LYPLA2: variants seen among roughly 807,000 people sequenced by gnomAD.
LYPLA2 encodes lysophospholipase 2.
In LYPLA2, 7 loss-of-function variants were observed where a neutral mutation model predicts 30.3. The ratio of observed to expected loss-of-function variants is 0.23; its 90% confidence interval spans 0.13 to 0.43. The LOEUF is 0.43. LYPLA2 is among the 20% of genes least tolerant of loss of function. The pLI is 1.00. For missense variants in LYPLA2, 206 were observed against 307.9 expected, an observed-to-expected ratio of 0.67 and a Z score of 2.48; for synonymous variants, 112 against 118.2, an observed-to-expected ratio of 0.95 and a Z score of 0.34.
In LYPLA2 at chr1:23,793,147, A is replaced by G. The variant is rs2148405913; in HGVS notation, c.111-4A>G. 1 of 1,613,942 alleles carries G rather than the reference A, an allele frequency of 6.2e-7. No individual in the cohort carries two copies. The highest frequency in any genetic ancestry group is 2.2e-5 in the East Asian group (1 of 44,874). On this transcript the variant is annotated splice_polypyrimidine_tract_variant and splice_region_variant and intron_variant, in intron 3 of 9. Coordinates refer to ENST00000374514, the MANE Select transcript of LYPLA2 (RefSeq NM_007260.3). The surrounding 1 kb of genome is among the most constrained non-coding windows in gnomAD (Gnocchi z 6.0). ...CGGAGCCTTTTCTCCCGTCCCTCCT[A>G]CAGGCACAGCTGGGCTGACGCCCTC...
In LYPLA2 at chr1:23,793,523, C is replaced by A; in HGVS notation, c.177-182C>A. 1.4e-6 allele frequency: 1 copy of A among 697,834 alleles called. No homozygotes were observed. The highest frequency in any genetic ancestry group is 2.5e-6 in the Non-Finnish European group (1 of 394,910). The allele number at this position is 697,834 out of a possible 1,614,324, so 43.2% of individuals were successfully genotyped here. ...AGCGCTGGGCTCTGCTTCTCCATTA[C>A]TGGCGCTTTGCCCCAACCACAGCCT... On this transcript the variant is annotated intron_variant, in intron 4 of 9. Coordinates refer to ENST00000374514, the MANE Select transcript of LYPLA2 (RefSeq NM_007260.3). The surrounding 1 kb of genome is among the most constrained non-coding windows in gnomAD (Gnocchi z 6.0).
chr1:23,792,917 C>T (rs1413960947), intron 2 of LYPLA2, 91 bp from the exon 3 acceptor site: 5 of 1,475,040 alleles, frequency 3.4e-6, no homozygotes, highest in African/African-American at 1.4e-5. Context: ...ACCTGGGTTC[C>T]CCCAGGTCCT....
chr1:23,792,802 A>T (rs1638824521), intron 2 of LYPLA2, 42 bp downstream of exon 2: 1 of 1,555,890 alleles, frequency 6.4e-7, no homozygotes, highest in African/African-American at 1.4e-5. Context: ...CTGTGGGAGC[A>T]GCTGGAGGAC....
chr1:23,793,738 G>T lies in LYPLA2; in HGVS notation c.210G>T (p.Met70Ile). ...PRIPVTLNMK[M>I]VMPSWFDLMG... ...TCCCTGTGACCCTCAACATGAAGATGGTGATGCCCTCCTGGTGAGTTTGGG... is the reference window on the plus strand; with the variant it reads ...TCCCTGTGACCCTCAACATGAAGATTGTGATGCCCTCCTGGTGAGTTTGGG... The change falls in exon 5 of 10, where the codon ATG becomes ATT. Residue 70 changes from methionine to isoleucine, a missense_variant. Transcript: ENST00000374514. This position sits in a 1 kb window ranked among gnomAD's most constrained non-coding sequence, Gnocchi z 6.0. 6.2e-7 allele frequency: 1 copy of T among 1,614,096 alleles called. No individual in the cohort carries two copies. Among genetic ancestry groups the T allele is most frequent in the Non-Finnish European group, 8.5e-7 (1 of 1,179,980 alleles).
chr1:23,793,039 GGTAA>G lies in LYPLA2; in HGVS notation c.110+3_110+6del. On this transcript the variant is annotated splice_donor_variant and splice_donor_region_variant and intron_variant, in intron 3 of 9. Transcript: ENST00000374514. LOFTEE classifies it high-confidence loss of function. The surrounding 1 kb of genome is among the most constrained non-coding windows in gnomAD (Gnocchi z 6.0). ...TTTTTACATGGACTTGGAGACACAG[GGTAA>G]GTGACTGAGGAGGGGTGCTCCTTAA... The G allele has an allele frequency of 6.2e-7, 1 of 1,613,528 alleles. No individual in the cohort carries two copies. The highest frequency in any genetic ancestry group is 8.5e-7 in the Non-Finnish European group (1 of 1,179,670).
chr1:23,794,332 GT>G lies in LYPLA2; in HGVS notation c.471+8del, dbSNP rs1206749782. 2 of 1,607,300 alleles carry G rather than the reference GT, an allele frequency of 1.2e-6. No individual in the cohort carries two copies. The highest frequency in any genetic ancestry group is 3.3e-5 in the Admixed American group (2 of 59,854). ...GCACCGGGCCTTCCCCCAGGTGAAT[GT>G]CCCCACTGACCCCCCCGCCCTTTGT... On this transcript the variant is annotated splice_region_variant and intron_variant, in intron 8 of 9. Coordinates refer to ENST00000374514, the MANE Select transcript of LYPLA2 (RefSeq NM_007260.3). The surrounding 1 kb of genome is among the most constrained non-coding windows in gnomAD (Gnocchi z 5.9).
chr1:23,795,052 A>G lies in LYPLA2; in HGVS notation c.*320A>G. 1.8e-6 allele frequency: 1 copy of G among 566,550 alleles called. No homozygotes were observed. The highest frequency in any genetic ancestry group is 1.6e-5 in the South Asian group (1 of 61,304). 35.1% of individuals were successfully genotyped at this position (566,550 alleles called of 1,614,324 possible). ...CGCTGACCCACTCACTCAGGACCTC[A>G]CTCACTAGCCCCGCTTTGGGCCCCC... On this transcript the variant is annotated 3_prime_UTR_variant, in exon 10 of 10. Transcript: ENST00000374514.
At position 23,792,650 on chromosome 1, in the gene LYPLA2, T is replaced by C; in HGVS notation, c.-26-7T>C. On this transcript the variant is annotated splice_polypyrimidine_tract_variant and splice_region_variant and intron_variant, in intron 1 of 9. Transcript: ENST00000374514. The stretch of plus-strand genomic sequence containing the variant: ...TTTGCTCTTGACCGCCGCCCCGATG[T>C]ATGCAGGCCCCCGCCGTGGAGCCGT... 2 of 1,601,478 alleles carry C rather than the reference T, an allele frequency of 1.2e-6. No individual in the cohort carries two copies. Among genetic ancestry groups the C allele is most frequent in the Middle Eastern group, 2.3e-4 (1 of 4,424 alleles).
Position 23,795,018 on chromosome 1 carries a change from G to C in LYPLA2, c.*286G>C, listed in dbSNP as rs538425401. On this transcript the variant is annotated 3_prime_UTR_variant, in exon 10 of 10. Coordinates refer to ENST00000374514, the MANE Select transcript of LYPLA2 (RefSeq NM_007260.3). Reference sequence around the variant, plus strand: ...AGGGGCTACAGGCAGCTGGAGAAAGGGGCCCAGCCGCTGACCCACTCACTC... The same window carrying C: ...AGGGGCTACAGGCAGCTGGAGAAAGCGGCCCAGCCGCTGACCCACTCACTC... 1.6e-6 allele frequency: 1 copy of C among 637,002 alleles called. No homozygotes were observed. Among genetic ancestry groups the C allele is most frequent in the Admixed American group, 2.1e-5 (1 of 47,398 alleles). The allele number at this position is 637,002 out of a possible 1,614,324, so 39.5% of individuals were successfully genotyped here.
chr1:23,793,989 G>A lies in LYPLA2; in HGVS notation c.295+59G>A, dbSNP rs1286702043. 2 of 1,594,254 alleles carry A rather than the reference G, an allele frequency of 1.3e-6. No homozygotes were observed. Among genetic ancestry groups the A allele is most frequent in the Non-Finnish European group, 1.7e-6 (2 of 1,161,978 alleles). On this transcript the variant is annotated intron_variant, in intron 6 of 9. Coordinates refer to ENST00000374514, the MANE Select transcript of LYPLA2 (RefSeq NM_007260.3). The surrounding 1 kb of genome is among the most constrained non-coding windows in gnomAD (Gnocchi z 6.0). Reference sequence around the variant, plus strand: ...CCCCTGCCCCCCAGGAAAGCGCTGGGCGGTTCCTCAGCCTAGCTCCCTTAT... The same window carrying A: ...CCCCTGCCCCCCAGGAAAGCGCTGGACGGTTCCTCAGCCTAGCTCCCTTAT...
In LYPLA2 at chr1:23,794,675, C is replaced by CCTG; in HGVS notation, c.646-6_646-5insTGC. 1 of 1,614,202 alleles carries CCTG rather than the reference C, an allele frequency of 6.2e-7. No homozygotes were observed. The highest frequency in any genetic ancestry group is 8.5e-7 in the Non-Finnish European group (1 of 1,180,028). ...TGCCTCTCGTGATCCCCTCTTAATC[C>CCTG]CCTCAGGAGATGGCAGCTGTGAAGG... is the stretch of plus-strand genomic sequence containing the variant. On this transcript the variant is annotated splice_polypyrimidine_tract_variant and splice_region_variant and intron_variant, in intron 9 of 9. Coordinates refer to ENST00000374514, the MANE Select transcript of LYPLA2 (RefSeq NM_007260.3). This position sits in a 1 kb window ranked among gnomAD's most constrained non-coding sequence, Gnocchi z 5.9.
At chr1:23,791,553 A>T (rs558097314) in intron 1 of LYPLA2, among the ~76,000 whole-genome samples, 27 of 151,952 alleles carry the variant, frequency 1.8e-4, no homozygotes, top group Admixed American at 1.1e-3. Flanking sequence ...AGGGTAGAAA[A>T]TTTCACTGGG....
At chr1:23,791,401 T>G in intron 1 of LYPLA2, among the ~76,000 whole-genome samples, 151 bp downstream of exon 1, 1 of 147,774 alleles carries the variant, frequency 6.8e-6, no homozygotes, top group East Asian at 2.0e-4. Flanking sequence ...ACTTCGGGAG[T>G]GGAGCGGGGC....
At position 23,794,737 on chromosome 1, in the gene LYPLA2, T is replaced by C. The variant is rs974026835; in HGVS notation, c.*5T>C. 1.9e-6 allele frequency: 3 copies of C among 1,614,104 alleles called. No individual in the cohort carries two copies. Among genetic ancestry groups the C allele is most frequent in the South Asian group, 1.1e-5 (1 of 91,080 alleles). On this transcript the variant is annotated 3_prime_UTR_variant, in exon 10 of 10. Transcript: ENST00000374514. The surrounding 1 kb of genome is among the most constrained non-coding windows in gnomAD (Gnocchi z 5.9). ...AAGCTGCTGCCTCCTGTCTAACTAG[T>C]CGCTGGCCCCAGTGCAGTACCCCAG...
rs1480935053 is a variant in LYPLA2, at chr1:23,794,073, G to C, written c.306G>C (p.Leu102Phe). Reference protein sequence around the residue: ...IKKAAENIKALIEHEMKNGIP... With the variant: ...IKKAAENIKAFIEHEMKNGIP... ...TGCCCCCTCCCCCAGTCAAGGCCTTGATTGAGCATGAAATGAAGAACGGGA... is the reference window on the plus strand; with the variant it reads ...TGCCCCCTCCCCCAGTCAAGGCCTTCATTGAGCATGAAATGAAGAACGGGA... Residue 102 changes from leucine to phenylalanine, a missense_variant, in exon 7 of 10, where the codon TTG becomes TTC. Leu to Phe is a conservative substitution (Grantham distance 22, BLOSUM62 0). Transcript: ENST00000374514. The surrounding 1 kb of genome is among the most constrained non-coding windows in gnomAD (Gnocchi z 5.9). 6.3e-7 allele frequency: 1 copy of C among 1,590,930 alleles called. No homozygotes were observed. Among genetic ancestry groups the C allele is most frequent in the Admixed American group, 1.7e-5 (1 of 59,014 alleles).
At chr1:23,792,817 T>A in intron 2 of LYPLA2, 57 bp downstream of exon 2, 1 of 1,499,848 alleles carries the variant, frequency 6.7e-7, no homozygotes, top group Admixed American at 1.7e-5. Context: ...GAGGACCGGC[T>A]GGAGGGGGTG....
rs1396009884 is a variant in LYPLA2, at chr1:23,793,614, A to C, written c.177-91A>C. On this transcript the variant is annotated intron_variant, in intron 4 of 9. Coordinates refer to ENST00000374514, the MANE Select transcript of LYPLA2 (RefSeq NM_007260.3). The surrounding 1 kb of genome is among the most constrained non-coding windows in gnomAD (Gnocchi z 6.0). ...CAGGCCCTGCCTGCTGGGAGGGGCC[A>C]CCAGGGGCGGCGCGGCCCCACTCCG... 12 of 1,338,716 alleles carry C rather than the reference A, an allele frequency of 9.0e-6. No individual in the cohort carries two copies. Among genetic ancestry groups the C allele is most frequent in the Non-Finnish European group, 1.3e-5 (12 of 930,128 alleles). The allele number at this position is 1,338,716 out of a possible 1,614,324, so 82.9% of individuals were successfully genotyped here.
intron 1 of LYPLA2, 181 bp from the exon 2 acceptor site, chr1:23,792,476 C>T (rs2148405393): frequency 5.2e-6 from 3 of 574,440 alleles, no homozygotes; most frequent in Non-Finnish European, 9.3e-6. Flanking sequence ...CTGTCTCTGC[C>T]TTTCAGCCCT....
Position 23,794,983 on chromosome 1 carries a change from G to C in LYPLA2, c.*251G>C. 1.5e-6 allele frequency: 1 copy of C among 680,338 alleles called. No individual in the cohort carries two copies. Among genetic ancestry groups the C allele is most frequent in the Non-Finnish European group, 2.7e-6 (1 of 372,118 alleles). 42.1% of individuals were successfully genotyped at this position (680,338 alleles called of 1,614,324 possible). A position where few individuals can be genotyped will look rare whatever the true frequency, so the allele number is the denominator to read the frequency against. On this transcript the variant is annotated 3_prime_UTR_variant, in exon 10 of 10. Coordinates refer to ENST00000374514, the MANE Select transcript of LYPLA2 (RefSeq NM_007260.3). The surrounding 1 kb of genome is among the most constrained non-coding windows in gnomAD (Gnocchi z 5.9). ...TCCCTGGAGGCGGGCCCCCCTGGCA[G>C]CAGTATTGGAGGGGCTACAGGCAGC...
Sources: allele counts gnomAD v4.1 joint callset (sites outside exome capture counted in the v4.1 genomes callset), GRCh38; gene constraint gnomAD v4.1.1; non-coding constraint Gnocchi (gnomAD v3.1); transcripts MANE v1.5; gene names NCBI Gene and HGNC (gene_info 2026-07-23, HGNC 2026-07-21).